Variants in STARD13 observed in about 807,000 individuals in gnomAD.
The protein encoded by STARD13 is stAR-related lipid transfer protein 13.
In STARD13, 62 loss-of-function variants were observed where a neutral mutation model predicts 106.4. The ratio of observed to expected loss-of-function variants is 0.58; its 90% CI spans 0.48 to 0.72. STARD13 has a LOEUF of 0.72. STARD13 is among the 30% of genes least tolerant of loss of function. STARD13 has a pLI of 0.00. For synonymous variants in STARD13, 565 were observed against 553.0 expected (o/e 1.02, Z -0.31); for missense variants, 1,387 against 1,424.0 (o/e 0.97, Z 0.42).
upstream of STARD13, among the ~76,000 whole-genome samples, chr13:33,352,888 C>T (rs570853015): frequency 7.0e-4 from 107 of 152,248 alleles, 1 homozygote; most frequent in Non-Finnish European, 1.0e-3. Flanking sequence ...CCTTAGGTAG[C>T]ATCCCCTGTG....
At chr13:33,476,163 C>T in the STARD13 span, among the ~76,000 whole-genome samples, 6,169 of 152,104 alleles carry the variant, frequency 0.041, 392 homozygotes, top group African/African-American at 0.14. Flanking sequence ...TATATTGACT[C>T]GGATTTCCCT....
chr13:33,105,726 T>A lies in STARD13; in HGVS notation c.3225-16A>T, dbSNP rs376385285. On this transcript the variant is annotated splice_polypyrimidine_tract_variant and intron_variant, in intron 13 of 13. Transcript: ENST00000336934. The stretch of plus-strand genomic sequence containing the variant: ...GGAGTGACCTCTGTGGGGAAAGAAA[T>A]CAGAAAGGAAGTGGGAAAGTTTGTT... 4.4e-6 allele frequency: 7 copies of A among 1,596,016 alleles called. No individual in the cohort carries two copies. In the African/African-American group the frequency reaches 8.1e-5, roughly 18 times the overall value.
the STARD13 span, among the ~76,000 whole-genome samples, chr13:33,384,024 C>G: frequency 6.6e-6 from 1 of 152,116 alleles, no homozygotes; most frequent in African/African-American, 2.4e-5. Flanking sequence ...GGCTAGAATT[C>G]AAACTTTGAT....
the STARD13 span, among the ~76,000 whole-genome samples, chr13:33,606,841 A>G: frequency 6.6e-6 from 1 of 152,114 alleles, no homozygotes; most frequent in African/African-American, 2.4e-5. Flanking sequence ...CTCTTCCTTA[A>G]CCTTTCAAGC....
chr13:33,415,562 CT>C, the STARD13 span, among the ~76,000 whole-genome samples: 3 of 151,778 alleles, frequency 2.0e-5, no homozygotes, highest in Admixed American at 1.3e-4. Context: ...TGAAGATGTT[CT>C]TTTTTTTGTT....
intron 1 of STARD13, among the ~76,000 whole-genome samples, chr13:33,307,323 G>C (rs1313604656): frequency 6.6e-6 from 1 of 152,146 alleles, no homozygotes; most frequent in Non-Finnish European, 1.5e-5. Flanking sequence ...ATACCCAAAG[G>C]AATACGAATC....
At position 33,142,361 on chromosome 13, in the gene STARD13, C is replaced by T. The variant is rs150393478; in HGVS notation, c.336G>A (p.Thr112=). 1.3e-4 allele frequency: 205 copies of T among 1,613,874 alleles called. 2 individuals carry two copies. The highest frequency in any genetic ancestry group is 9.9e-4 in the Middle Eastern group (6 of 6,060). ...LVEPLCRRLN[T]LNKCASMKLD... The stretch of plus-strand genomic sequence containing the variant: ...GTTTCATTGAGGCACACTTGTTCAA[C>T]GTATTTAGTCGTCTAAAAGGAAAGA... The change falls in exon 4 of 14, where the codon ACG becomes ACA. Residue 112 remains threonine, a synonymous_variant. Coordinates refer to ENST00000336934, the MANE Select transcript of STARD13 (RefSeq NM_178006.4).
At chr13:33,452,185 G>A in the STARD13 span, among the ~76,000 whole-genome samples, 3 of 152,128 alleles carry the variant, frequency 2.0e-5, no homozygotes, top group Non-Finnish European at 2.9e-5. Context: ...CCAGGGGCAC[G>A]AGGTCTGCTG....
At chr13:33,288,141 T>C (rs559701467), upstream of STARD13, among the ~76,000 whole-genome samples, 19 of 152,220 alleles carry the variant, frequency 1.2e-4, no homozygotes, top group African/African-American at 4.6e-4. Context: ...TGTCTCCTTT[T>C]TGCATAGTCA....
the STARD13 span, among the ~76,000 whole-genome samples, chr13:33,563,433 G>C: frequency 3.4e-5 from 5 of 147,182 alleles, no homozygotes; most frequent in East Asian, 1.0e-3. Flanking sequence ...CACGCATTTA[G>C]AGCCAACTCA....
the STARD13 span, among the ~76,000 whole-genome samples, chr13:33,543,196 A>G: frequency 6.6e-6 from 1 of 152,182 alleles, no homozygotes; most frequent in Non-Finnish European, 1.5e-5. Flanking sequence ...ATTGCCTGGT[A>G]GGAAGATGAC....
At chr13:33,401,890 C>T in the STARD13 span, among the ~76,000 whole-genome samples, 48 of 152,172 alleles carry the variant, frequency 3.2e-4, 1 homozygote, top group Non-Finnish European at 8.8e-5. Context: ...TGTTCCAACA[C>T]ATCAAAGTAT....
the STARD13 span, among the ~76,000 whole-genome samples, chr13:33,479,290 C>A: frequency 6.6e-6 from 1 of 152,142 alleles, no homozygotes; most frequent in East Asian, 1.9e-4. Flanking sequence ...AATGCAAACA[C>A]GGCATAACCC....
chr13:33,234,127 T>G (rs1193234841), intron 1 of STARD13, among the ~76,000 whole-genome samples: 3 of 152,242 alleles, frequency 2.0e-5, no homozygotes, highest in Non-Finnish European at 4.4e-5. Flanking sequence ...AGACTGGCTG[T>G]GTCTGAATAG....
At chr13:33,428,318 G>A in the STARD13 span, among the ~76,000 whole-genome samples, 1 of 152,036 alleles carries the variant, frequency 6.6e-6, no homozygotes, top group Non-Finnish European at 1.5e-5. Context: ...AACAAATATA[G>A]AAATTAGATT....
intron 7 of STARD13, among the ~76,000 whole-genome samples, chr13:33,120,990 C>G (rs1041158112): frequency 3.3e-5 from 5 of 152,198 alleles, no homozygotes; most frequent in Admixed American, 2.0e-4. Context: ...ATCCACCCAC[C>G]TTGGCCTCCC....
chr13:33,192,156 A>G (rs1417396005), intron 1 of STARD13, among the ~76,000 whole-genome samples: 1 of 152,244 alleles, frequency 6.6e-6, no homozygotes, highest in Non-Finnish European at 1.5e-5. Context: ...TACTATTGAA[A>G]AAACAAAAGA....
the STARD13 span, among the ~76,000 whole-genome samples, chr13:33,651,215 C>T: frequency 6.6e-6 from 1 of 152,158 alleles, no homozygotes; most frequent in Non-Finnish European, 1.5e-5. Context: ...AATAAAAAAT[C>T]ATGATTTTTA....
chr13:33,331,526 AT>A (rs35827468), intron 1 of STARD13, among the ~76,000 whole-genome samples: 94,735 of 130,594 alleles, frequency 0.73, 34,663 homozygotes, highest in East Asian at 0.94. Flanking sequence ...CTGATTTTGT[AT>A]TTTTTTTTTT....
Sources: gnomAD v4.1 joint callset for allele counts (sites outside exome capture counted in the v4.1 genomes callset) on GRCh38, gnomAD v4.1.1 for gene constraint, MANE v1.5 for transcripts, NCBI Gene and HGNC (gene_info 2026-07-23, HGNC 2026-07-21) for gene names.